GORASP2: variants seen among roughly 807,000 people sequenced by gnomAD.
GORASP2 encodes the protein Golgi reassembly-stacking protein 2.
In GORASP2, 22 loss-of-function variants were observed where a neutral mutation model predicts 45.7. The observed-to-expected ratio is 0.48, with a 90% CI of 0.34 to 0.69. GORASP2 has a LOEUF of 0.69. Among genes scored for constraint, GORASP2 ranks in the 30% least tolerant of loss-of-function variants. The probability of loss-of-function intolerance (pLI) is 0.01; values close to 1 mark genes in which losing one functional copy is unlikely to be tolerated. For synonymous variants in GORASP2, 221 were observed against 215.6 expected (o/e 1.02, Z -0.22); for missense variants, 491 against 562.7 (o/e 0.87, Z 1.29).
chr2:170,954,105 G>C (rs1367779131), intron 5 of GORASP2: 3 of 152,438 alleles, frequency 2.0e-5, no homozygotes, highest in Admixed American at 6.5e-5. Flanking sequence ...AAATAGAAGA[G>C]ATCTGGGTTG....
chr2:170,939,869 C>T (rs1040925106), intron 1 of GORASP2, among the ~76,000 whole-genome samples: 9 of 152,178 alleles, frequency 5.9e-5, no homozygotes, highest in Admixed American at 2.6e-4. Flanking sequence ...TGATCACCTA[C>T]GCACACATAT....
chr2:170,956,063 A>G (rs923381119), intron 6 of GORASP2, among the ~76,000 whole-genome samples: 1 of 152,230 alleles, frequency 6.6e-6, no homozygotes, highest in African/African-American at 2.4e-5. Flanking sequence ...GTTAAAACAA[A>G]TAAACCAGCT....
intron 5 of GORASP2, chr2:170,954,315 C>T: frequency 5.1e-6 from 1 of 196,450 alleles, no homozygotes; most frequent in South Asian, 1.2e-4. Flanking sequence ...CCTTCAGGAC[C>T]TTAACATTTT....
At chr2:170,929,775 T>G (rs1287912599) in intron 1 of GORASP2, 3 of 489,860 alleles carry the variant, frequency 6.1e-6, no homozygotes, top group Middle Eastern at 4.0e-4. Flanking sequence ...AGGCAACGTC[T>G]CCAAAGTGGT....
At chr2:170,952,558 A>G (rs547352657) in intron 5 of GORASP2, among the ~76,000 whole-genome samples, 3 of 152,278 alleles carry the variant, frequency 2.0e-5, no homozygotes, top group South Asian at 2.1e-4. Context: ...TGCATTGTCT[A>G]TTACCACTTA....
intron 1 of GORASP2, 85 bp downstream of exon 1, chr2:170,929,488 A>C: frequency 3.7e-6 from 4 of 1,074,930 alleles, no homozygotes; most frequent in Non-Finnish European, 4.9e-6. Flanking sequence ...GGGCTCCTTC[A>C]CGGGGCAGCC....
intron 8 of GORASP2, 21 bp from the exon 9 acceptor site, chr2:170,962,818 T>A: frequency 6.5e-7 from 1 of 1,529,608 alleles, no homozygotes; most frequent in Non-Finnish European, 9.1e-7. Context: ...TCTCTTTTTT[T>A]CTTTTCTGCC....
At chr2:170,956,841 G>A (rs1308122921) in intron 7 of GORASP2, among the ~76,000 whole-genome samples, 2 of 152,150 alleles carry the variant, frequency 1.3e-5, no homozygotes, top group East Asian at 3.8e-4. Context: ...TTGAGCCTTG[G>A]AGGTTGTGGC....
intron 7 of GORASP2, among the ~76,000 whole-genome samples, chr2:170,960,955 G>A (rs910100241): frequency 6.6e-6 from 1 of 152,216 alleles, no homozygotes; most frequent in African/African-American, 2.4e-5. Context: ...AGTGAAAGGT[G>A]TGCTTTCATT....
chr2:170,951,584 G>A (rs1704299432), intron 5 of GORASP2, 126 bp downstream of exon 5: 3 of 756,648 alleles, frequency 4.0e-6, no homozygotes, highest in South Asian at 2.1e-5. Context: ...TAAAAAAAAG[G>A]GAAGAGCTAG....
chr2:170,963,751 T>G (rs1704625216), intron 9 of GORASP2, among the ~76,000 whole-genome samples: 1 of 152,066 alleles, frequency 6.6e-6, no homozygotes, highest in African/African-American at 2.4e-5. Context: ...CAAGCCATCC[T>G]CTCACCTCAT....
chr2:170,963,960 TAA>T (rs5836315), intron 9 of GORASP2, among the ~76,000 whole-genome samples: 1 of 150,486 alleles, frequency 6.6e-6, no homozygotes, highest in South Asian at 2.1e-4. Context: ...TCTTCTTTTG[TAA>T]AAAAAAAATA....
chr2:170,965,123 C>T (rs548727934), intron 9 of GORASP2, among the ~76,000 whole-genome samples: 2 of 151,906 alleles, frequency 1.3e-5, no homozygotes, highest in Middle Eastern at 6.8e-3. Context: ...CTATGTTGCC[C>T]AGGCTGGTCT....
At chr2:170,939,914 G>T (rs1365987084) in intron 1 of GORASP2, among the ~76,000 whole-genome samples, 1 of 152,140 alleles carries the variant, frequency 6.6e-6, no homozygotes, top group Non-Finnish European at 1.5e-5. Flanking sequence ...GTTGAGGTGG[G>T]TCATCATTTA....
At chr2:170,961,519 G>A (rs1304691421) in intron 7 of GORASP2, 144 bp from the exon 8 acceptor site, 2 of 666,482 alleles carry the variant, frequency 3.0e-6, no homozygotes, top group Admixed American at 2.1e-5. Flanking sequence ...AAAGGGTGAT[G>A]GACAGTCAGT....
In GORASP2 at chr2:170,963,583, C is replaced by T. The variant is rs1414756008; in HGVS notation, c.1018+637C>T. Among the ~76,000 whole-genome samples, 6 of 149,922 alleles carry T rather than the reference C, an allele frequency of 4.0e-5. No homozygotes were observed. In the East Asian group the frequency reaches 7.9e-4, roughly 20 times the overall value. ...AAGTGTACAGGCTGCCTAGTGGAGG[C>T]GAATGAATTCCCCACCATTCTCATC... On this transcript the variant is annotated intron_variant, in intron 9 of 9. Coordinates refer to ENST00000234160, the MANE Select transcript of GORASP2 (RefSeq NM_015530.5).
At chr2:170,951,209 A>C in intron 4 of GORASP2, 119 bp from the exon 5 acceptor site, 7 of 677,218 alleles carry the variant, frequency 1.0e-5, no homozygotes, top group South Asian at 4.4e-5. Flanking sequence ...TGTCTGGGGC[A>C]GGGCCCAGAA....
chr2:170,933,238 G>T (rs1397694815), intron 1 of GORASP2, among the ~76,000 whole-genome samples: 1 of 152,092 alleles, frequency 6.6e-6, no homozygotes, highest in African/African-American at 2.4e-5. Context: ...TCAGATTTGT[G>T]CTCACTATGA....
At chr2:170,961,642 A>G (rs780113640) in intron 7 of GORASP2, 21 bp from the exon 8 acceptor site, 1 of 1,289,054 alleles carries the variant, frequency 7.8e-7, no homozygotes, top group East Asian at 2.3e-5. Context: ...TAGAAATGAA[A>G]AGATTGTGCT....
Sources: gnomAD v4.1 joint callset for allele counts (sites outside exome capture counted in the v4.1 genomes callset) on GRCh38, gnomAD v4.1.1 for gene constraint, MANE v1.5 for transcripts, NCBI Gene and HGNC (gene_info 2026-07-23, HGNC 2026-07-21) for gene names.